Variants in PAPOLG observed in about 807,000 individuals in gnomAD.
PAPOLG encodes the protein PAP-gamma.
A neutral mutation model predicts 99.0 loss-of-function variants in PAPOLG; 40 were observed. That is an observed-to-expected ratio of 0.40 (90% CI 0.31 to 0.53). PAPOLG has a LOEUF of 0.53. Among genes scored for constraint, PAPOLG ranks in the 20% least tolerant of loss-of-function variants. The pLI, the probability that PAPOLG is intolerant of heterozygous loss-of-function variation, is 0.41. For synonymous variants in PAPOLG, 310 were observed against 299.3 expected, an observed-to-expected ratio of 1.04 and a Z score of -0.37; for missense variants, 675 against 884.1, an observed-to-expected ratio of 0.76 and a Z score of 3.00.
chr2:60,799,495 G>C lies in PAPOLG; in HGVS notation c.*2335G>C, dbSNP rs1272153601. 6.6e-6 allele frequency: 1 copy of C among 152,348 alleles called. No homozygotes were observed. Among genetic ancestry groups the C allele is most frequent in the African/African-American group, 2.4e-5 (1 of 41,454 alleles). 9.4% of individuals were successfully genotyped at this position (152,348 alleles called of 1,614,324 possible). On this transcript the variant is annotated 3_prime_UTR_variant, in exon 22 of 22. Coordinates refer to ENST00000238714, the MANE Select transcript of PAPOLG (RefSeq NM_022894.4). ...TCCTGACCAGTAGGTAGAACTTTGA[G>C]TACATTTCGTTAACTTGGTGGGAAG... is the stretch of plus-strand genomic sequence containing the variant.
At chr2:60,780,009 T>C (rs1671140263) in intron 9 of PAPOLG, among the ~76,000 whole-genome samples, 1 of 152,228 alleles carries the variant, frequency 6.6e-6, no homozygotes, top group Admixed American at 6.5e-5. Context: ...TAAGTTTGGC[T>C]TTGCAAATTA....
Position 60,800,505 on chromosome 2 carries a change from T to G in PAPOLG, c.*3345T>G, listed in dbSNP as rs929496748. The G allele has an allele frequency of 1.3e-5, 2 of 152,360 alleles. No homozygotes were observed. The highest frequency in any genetic ancestry group is 2.4e-5 in the African/African-American group (1 of 41,458). 9.4% of individuals were successfully genotyped at this position (152,360 alleles called of 1,614,324 possible). A position where few individuals can be genotyped will look rare whatever the true frequency, so the allele number is the denominator to read the frequency against. On this transcript the variant is annotated 3_prime_UTR_variant, in exon 22 of 22. Transcript: ENST00000238714. ...GCCAGGAGAATGAATTTTAAAAATC[T>G]ATGTTAGTGTTTAAAATGAGTGCTT... is the stretch of plus-strand genomic sequence containing the variant.
rs1042545013 is a variant in PAPOLG at position 60,798,142 on chromosome 2, G to A, written c.*982G>A. ...CCACAACTTCAAATAGTTTCTTCAC[G>A]GACTAGGCATGCAGAAATAAGCAGT... On this transcript the variant is annotated 3_prime_UTR_variant, in exon 22 of 22. Coordinates refer to ENST00000238714, the MANE Select transcript of PAPOLG (RefSeq NM_022894.4). 4 of 152,652 alleles carry A rather than the reference G, an allele frequency of 2.6e-5. No homozygotes were observed. The highest frequency in any genetic ancestry group is 5.9e-5 in the Non-Finnish European group (4 of 68,012). The allele number at this position is 152,652 out of a possible 1,614,324, so 9.5% of individuals were successfully genotyped here. A position where few individuals can be genotyped will look rare whatever the true frequency, so the allele number is the denominator to read the frequency against.
rs35118727 is a variant in PAPOLG, at chr2:60,773,701, GA to G, written c.605-1321del. 3.7e-4 allele frequency among the ~76,000 whole-genome samples: 54 copies of G among 145,792 alleles called. No homozygotes were observed. In the South Asian group the frequency reaches 9.9e-3, roughly 27 times the overall value. On this transcript the variant is annotated intron_variant, in intron 7 of 21. Coordinates refer to ENST00000238714, the MANE Select transcript of PAPOLG (RefSeq NM_022894.4). Reference sequence around the variant, plus strand: ...TAATACACATTTCACTATAAAATGTGAAAAAAAAAAAACCAGCAGTCATTAG... The same window carrying G: ...TAATACACATTTCACTATAAAATGTGAAAAAAAAAAACCAGCAGTCATTAG...
chr2:60,782,917 G>A (rs1671238036), intron 12 of PAPOLG, 147 bp downstream of exon 12: 1 of 1,129,986 alleles, frequency 8.8e-7, no homozygotes, highest in South Asian at 2.1e-5. Context: ...AGATAAGAGT[G>A]TTTCTTTATT....
At chr2:60,779,924 T>C (rs1671138641) in intron 9 of PAPOLG, 149 bp downstream of exon 9, 1 of 660,624 alleles carries the variant, frequency 1.5e-6, no homozygotes, top group Non-Finnish European at 2.4e-6. Context: ...TTTGAGGCAA[T>C]GGTGGGACAT....
At chr2:60,767,512 A>T (rs1261919926) in intron 3 of PAPOLG, among the ~76,000 whole-genome samples, 1 of 152,078 alleles carries the variant, frequency 6.6e-6, no homozygotes, top group Non-Finnish European at 1.5e-5. Context: ...TGTGTTGCTC[A>T]GGCTGGTCTT....
At chr2:60,787,772 C>A in intron 15 of PAPOLG, 152 bp downstream of exon 15, 1 of 1,088,792 alleles carries the variant, frequency 9.2e-7, no homozygotes, top group Non-Finnish European at 1.3e-6. Flanking sequence ...AGGAAAGGAG[C>A]CGGGTGCGGT....
chr2:60,780,273 T>C (rs971936024), intron 9 of PAPOLG, among the ~76,000 whole-genome samples: 2 of 151,000 alleles, frequency 1.3e-5, no homozygotes, highest in African/African-American at 4.9e-5. Context: ...CTTTCTTACC[T>C]AGCCTTTTTT....
At chr2:60,775,160 A>G in intron 8 of PAPOLG, 37 bp downstream of exon 8, 1 of 1,577,584 alleles carries the variant, frequency 6.3e-7, no homozygotes, top group Non-Finnish European at 8.6e-7. Flanking sequence ...GCATTATAAA[A>G]TTCTAATTTT....
intron 17 of PAPOLG, 125 bp from the exon 18 acceptor site, chr2:60,793,502 T>C: frequency 9.1e-7 from 1 of 1,100,008 alleles, no homozygotes; most frequent in Non-Finnish European, 1.3e-6. Context: ...AGGTTGAGGC[T>C]GCAGTGAGCT....
At position 60,756,386 on chromosome 2, in the gene PAPOLG, C is replaced by A; in HGVS notation, c.-93C>A. On this transcript the variant is annotated 5_prime_UTR_variant, in exon 1 of 22. Transcript: ENST00000238714. ...AGTGAGCGAGCAAGCGAGCTACTAG[C>A]GACCGGAGGAAAGTGAACAGGGGGA... is the stretch of plus-strand genomic sequence containing the variant. 2 of 1,547,948 alleles carry A rather than the reference C, an allele frequency of 1.3e-6. No homozygotes were observed. Among genetic ancestry groups the A allele is most frequent in the Non-Finnish European group, 8.9e-7 (1 of 1,120,880 alleles).
At chr2:60,778,651 T>C (rs910769728) in intron 8 of PAPOLG, among the ~76,000 whole-genome samples, 1 of 152,178 alleles carries the variant, frequency 6.6e-6, no homozygotes, top group Non-Finnish European at 1.5e-5. Flanking sequence ...AGTTAAAAAA[T>C]AGCAACACAT....
chr2:60,768,417 T>G, intron 3 of PAPOLG, 53 bp from the exon 4 acceptor site: 1 of 1,590,720 alleles, frequency 6.3e-7, no homozygotes, highest in South Asian at 1.1e-5. Context: ...TGAGGTGACT[T>G]TTATGCTAAA....
chr2:60,794,922 A>T, intron 20 of PAPOLG, 42 bp from the exon 21 acceptor site: 1 of 1,606,800 alleles, frequency 6.2e-7, no homozygotes, highest in Non-Finnish European at 8.5e-7. Context: ...GTTTGCATAT[A>T]GGAAAGTTAG....
Position 60,794,875 on chromosome 2 carries a change from A to C in PAPOLG, c.2056-89A>C, listed in dbSNP as rs1671648964. ...AGTAGGTCAGATTAGATTTATTTTC[A>C]GGTTTTCGTTAGGTTTTATTTTAAG... On this transcript the variant is annotated intron_variant, in intron 20 of 21. Transcript: ENST00000238714. The C allele has an allele frequency of 1.3e-5, 21 of 1,567,356 alleles. No homozygotes were observed. The East Asian group carries it at 4.7e-4, about 35-fold the overall frequency.
intron 7 of PAPOLG, among the ~76,000 whole-genome samples, chr2:60,772,061 G>A (rs1295390145): frequency 6.6e-6 from 1 of 150,682 alleles, no homozygotes; most frequent in Non-Finnish European, 1.5e-5. Context: ...CATTTTGCAA[G>A]TCTCTTTAAT....
At chr2:60,773,748 G>A (rs978097005) in intron 7 of PAPOLG, among the ~76,000 whole-genome samples, 6 of 150,116 alleles carry the variant, frequency 4.0e-5, no homozygotes, top group African/African-American at 1.5e-4. Context: ...CAACAGAAAA[G>A]TATGGAAAGG....
intron 13 of PAPOLG, among the ~76,000 whole-genome samples, chr2:60,784,005 G>A (rs911553920): frequency 4.6e-5 from 7 of 151,660 alleles, no homozygotes; most frequent in Admixed American, 2.0e-4. Context: ...ACGGAGTCTC[G>A]CTGTGTTGCT....
Sources: allele counts gnomAD v4.1 joint callset (sites outside exome capture counted in the v4.1 genomes callset), GRCh38; gene constraint gnomAD v4.1.1; transcripts MANE v1.5; gene names NCBI Gene and HGNC (gene_info 2026-07-23, HGNC 2026-07-21).